Variants in TRIM5 observed in about 807,000 individuals in gnomAD.
TRIM5 encodes the protein tripartite motif containing 5.
TRIM5 carries 31 observed loss-of-function variants against 35.6 expected under a neutral mutation model. The ratio of observed to expected loss-of-function variants is 0.87; its 90% CI spans 0.65 to 1.18. The LOEUF is 1.18. Ranked by LOEUF, TRIM5 falls within the 50% of genes most tolerant of loss-of-function variation. TRIM5 has a pLI of 0.00. For missense variants in TRIM5, 609 were observed against 591.6 expected, an observed-to-expected ratio of 1.03 and a Z score of -0.31; for synonymous variants, 243 against 215.6, an observed-to-expected ratio of 1.13 and a Z score of -1.11.
the TRIM5 span, among the ~76,000 whole-genome samples, chr11:5,605,811 T>A: frequency 4.7e-4 from 71 of 152,380 alleles, no homozygotes; most frequent in Admixed American, 8.5e-4. Flanking sequence ...GTTTATTTGA[T>A]GCTGTGGAGA....
the TRIM5 span, among the ~76,000 whole-genome samples, chr11:5,633,588 G>A: frequency 6.6e-6 from 1 of 152,176 alleles, no homozygotes; most frequent in Non-Finnish European, 1.5e-5. Context: ...ACAGAATCAG[G>A]CTACTCCTTT....
chr11:5,608,997 T>C, the TRIM5 span, among the ~76,000 whole-genome samples: 1 of 151,988 alleles, frequency 6.6e-6, no homozygotes, highest in East Asian at 1.9e-4. Context: ...GTCTAAGAAT[T>C]TGGTCTTGGC....
chr11:5,681,301 A>C (rs1852430043), intron 1 of TRIM5, among the ~76,000 whole-genome samples: 1 of 152,164 alleles, frequency 6.6e-6, no homozygotes, highest in Admixed American at 6.5e-5. Flanking sequence ...GAAAGAAGCG[A>C]ATTTTTATTT....
chr11:5,605,300 C>T, the TRIM5 span: 3 of 1,612,818 alleles, frequency 1.9e-6, no homozygotes, highest in East Asian at 4.5e-5. Context: ...CTCAGTGTGA[C>T]CGACTAGCAG....
chr11:5,673,598 T>C (rs1851727649), intron 4 of TRIM5, among the ~76,000 whole-genome samples: 2 of 152,150 alleles, frequency 1.3e-5, no homozygotes, highest in African/African-American at 2.4e-5. Context: ...CTTTAGATTA[T>C]TTCACCAAAT....
At chr11:5,608,194 A>G in the TRIM5 span, among the ~76,000 whole-genome samples, 9 of 152,284 alleles carry the variant, frequency 5.9e-5, no homozygotes, top group African/African-American at 2.2e-4. Context: ...TTATTTTTTG[A>G]TGTCTTCACA....
At chr11:5,594,300 C>G in the TRIM5 span, among the ~76,000 whole-genome samples, 6 of 152,014 alleles carry the variant, frequency 3.9e-5, no homozygotes, top group East Asian at 1.2e-3. Context: ...GTCTTTCATT[C>G]TGTTTTTTGT....
the TRIM5 span, among the ~76,000 whole-genome samples, chr11:5,635,666 A>G: frequency 6.6e-6 from 1 of 152,088 alleles, no homozygotes; most frequent in African/African-American, 2.4e-5. Flanking sequence ...GAATTTCCAA[A>G]TATTTCCTTT....
the TRIM5 span, among the ~76,000 whole-genome samples, chr11:5,601,352 T>G: frequency 6.6e-6 from 1 of 152,200 alleles, no homozygotes; most frequent in Non-Finnish European, 1.5e-5. Context: ...CTCTTCTTAT[T>G]AAAGAATGGA....
the TRIM5 span, chr11:5,641,288 G>C: frequency 6.3e-7 from 1 of 1,587,160 alleles, no homozygotes; most frequent in Non-Finnish European, 8.6e-7. Context: ...AAATCTCCCA[G>C]AGTAGTAAAA....
At chr11:5,659,084 C>T (rs1398192963), downstream of TRIM5, among the ~76,000 whole-genome samples, 2 of 151,896 alleles carry the variant, frequency 1.3e-5, no homozygotes, top group South Asian at 2.1e-4. Context: ...CAAACCAACA[C>T]GGCACATGTA....
the TRIM5 span, among the ~76,000 whole-genome samples, chr11:5,615,839 C>T: frequency 6.6e-6 from 1 of 151,982 alleles, no homozygotes; most frequent in Non-Finnish European, 1.5e-5. Flanking sequence ...GTGATCCACC[C>T]GCCTCGGCCT....
At chr11:5,633,935 A>G in the TRIM5 span, 2 of 1,610,212 alleles carry the variant, frequency 1.2e-6, no homozygotes, top group Non-Finnish European at 1.7e-6. Flanking sequence ...TGAGACAGGA[A>G]TCTTGACAGG....
At chr11:5,603,401 G>A in the TRIM5 span, 16 of 1,613,328 alleles carry the variant, frequency 9.9e-6, no homozygotes, top group Admixed American at 1.7e-5. Context: ...AGCATAGACT[G>A]TGGCCACAGC....
At chr11:5,596,529 T>TCCCCCGTTCTCCCCTTC in the TRIM5 span, 1 of 5,498 alleles carries the variant, frequency 1.8e-4, no homozygotes, top group Admixed American at 2.1e-3. Flanking sequence ...CTTCCCCCCT[T>TCCCCCGTTCTCCCCTTC]CCCCCTTCCC....
chr11:5,673,038 TAG>T lies in TRIM5; in HGVS notation c.744+5164_744+5165del, dbSNP rs1219053526. Among the ~76,000 whole-genome samples, 6 of 152,154 alleles carry T rather than the reference TAG, an allele frequency of 3.9e-5. 1 individual carries two copies. Among genetic ancestry groups the T allele is most frequent in the African/African-American group, 1.4e-4 (6 of 41,524 alleles). On this transcript the variant is annotated intron_variant, in intron 4 of 7. Transcript: ENST00000380034. The stretch of plus-strand genomic sequence containing the variant: ...AACATCAAAAAAGACAGGAGAAATA[TAG>T]AAAACAAATAGCAAAATGGTAAATT...
chr11:5,604,758 T>C, the TRIM5 span: 168,581 of 919,282 alleles, frequency 0.18, 16,280 homozygotes, highest in South Asian at 0.21. Flanking sequence ...CTTTGCCTGG[T>C]CCTCCACTAT....
intron 3 of TRIM5, 143 bp downstream of exon 3, chr11:5,678,931 C>T (rs577553311): frequency 4.3e-6 from 3 of 694,546 alleles, no homozygotes; most frequent in Non-Finnish European, 7.5e-6. Context: ...TCAGCCACCA[C>T]ACCCCATCAG....
At chr11:5,639,555 C>G in the TRIM5 span, among the ~76,000 whole-genome samples, 1 of 151,836 alleles carries the variant, frequency 6.6e-6, no homozygotes, top group East Asian at 1.9e-4. Context: ...TGGCACGTAC[C>G]TGTAGTCCCA....
Sources: gnomAD v4.1 joint callset for allele counts (sites outside exome capture counted in the v4.1 genomes callset) on GRCh38, gnomAD v4.1.1 for gene constraint, MANE v1.5 for transcripts, NCBI Gene and HGNC (gene_info 2026-07-23, HGNC 2026-07-21) for gene names.